ARHGAP26: variants seen among roughly 807,000 people sequenced by gnomAD.
ARHGAP26 encodes rho GTPase-activating protein 26.
Under a neutral mutation model 104.8 loss-of-function variants are expected in ARHGAP26, and 38 were observed. That is an observed-to-expected ratio of 0.36 (90% CI 0.28 to 0.48). The LOEUF (loss-of-function observed/expected upper bound fraction) is 0.48, where lower values mean the gene tolerates loss of function less well. Among genes scored for constraint, ARHGAP26 ranks in the 20% least tolerant of loss-of-function variants. ARHGAP26 has a pLI of 0.99. For missense variants in ARHGAP26, 704 were observed against 947.9 expected (o/e 0.74, Z 3.38); for synonymous variants, 341 against 340.0 (o/e 1.00, Z -0.03).
chr5:143,201,837 T>G (rs1807790138), intron 20 of ARHGAP26, among the ~76,000 whole-genome samples: 1 of 152,252 alleles, frequency 6.6e-6, no homozygotes, highest in South Asian at 2.1e-4. Context: ...GATAGGATTA[T>G]TGCCATGACT....
In ARHGAP26 at chr5:143,121,226, C is replaced by G. The variant is rs146089456; in HGVS notation, c.1698+79C>G. ...TTGGAATTGACCTTCAGAGTTGGCT[C>G]AGATTTGCATTGCTAATCACTCTTA... On this transcript the variant is annotated intron_variant, in intron 18 of 22. Coordinates refer to ENST00000645722, the MANE Select transcript of ARHGAP26 (RefSeq NM_001135608.3). 742 of 1,457,316 alleles carry G rather than the reference C, an allele frequency of 5.1e-4. 4 individuals are homozygous for G. In the East Asian group the frequency reaches 0.017, roughly 33 times the overall value. The allele number at this position is 1,457,316 out of a possible 1,614,324, so 90.3% of individuals were successfully genotyped here. A position where few individuals can be genotyped will look rare whatever the true frequency, so the allele number is the denominator to read the frequency against.
rs1040919335 is a variant in ARHGAP26 at position 143,031,442 on chromosome 5, T to C, written c.1145-5754T>C. On this transcript the variant is annotated intron_variant, in intron 12 of 22. Transcript: ENST00000645722. ...GATGGTGATGATGATGATGAAGAAATTGGACAAAATTGAGAGGCATTAGAA... is the reference window on the plus strand; with the variant it reads ...GATGGTGATGATGATGATGAAGAAACTGGACAAAATTGAGAGGCATTAGAA... 5.3e-5 allele frequency among the ~76,000 whole-genome samples: 8 copies of C among 152,090 alleles called. No homozygotes were observed. The East Asian group carries it at 7.7e-4, about 15-fold the overall frequency.
chr5:143,157,332 A>G lies in ARHGAP26; in HGVS notation c.1988+9951A>G, dbSNP rs3822382. Among the ~76,000 whole-genome samples the G allele has an allele frequency of 1.6e-3, 243 of 152,204 alleles. 6 individuals carry two copies. In the East Asian group the frequency reaches 0.041, roughly 26 times the overall value. On this transcript the variant is annotated intron_variant, in intron 20 of 22. Transcript: ENST00000645722. ...GCTGGGACTACAGGTGCACACCTCCACATCCAGCTAATTTTTATATGTTTT... is the reference window on the plus strand; with the variant it reads ...GCTGGGACTACAGGTGCACACCTCCGCATCCAGCTAATTTTTATATGTTTT...
intron 20 of ARHGAP26, among the ~76,000 whole-genome samples, chr5:143,149,023 T>G (rs1044129895): frequency 1.3e-5 from 2 of 152,064 alleles, no homozygotes; most frequent in African/African-American, 4.8e-5. Flanking sequence ...AGCAGCTAAG[T>G]GGAAAAGGGG....
At chr5:142,997,441 C>T (rs1163490300) in intron 11 of ARHGAP26, among the ~76,000 whole-genome samples, 1 of 152,060 alleles carries the variant, frequency 6.6e-6, no homozygotes, top group African/African-American at 2.4e-5. Flanking sequence ...CAGGGTTTTG[C>T]TCTGTCACCC....
intron 17 of ARHGAP26, among the ~76,000 whole-genome samples, chr5:143,116,881 C>T (rs575938276): frequency 1.3e-5 from 2 of 152,330 alleles, no homozygotes; most frequent in South Asian, 2.1e-4. Flanking sequence ...CCAACAACTG[C>T]CCTGAAGTCA....
At chr5:142,837,984 C>T (rs532721977) in intron 1 of ARHGAP26, among the ~76,000 whole-genome samples, 24 of 152,204 alleles carry the variant, frequency 1.6e-4, no homozygotes, top group African/African-American at 5.5e-4. Context: ...GTAGGCTGGG[C>T]GCAGTGGCTC....
At chr5:143,118,640 C>T (rs553779872) in intron 17 of ARHGAP26, among the ~76,000 whole-genome samples, 7 of 152,198 alleles carry the variant, frequency 4.6e-5, no homozygotes, top group East Asian at 3.9e-4. Flanking sequence ...GGTGTGGTGG[C>T]GCATGCCTGT....
intron 10 of ARHGAP26, among the ~76,000 whole-genome samples, chr5:142,925,743 T>C (rs956272971): frequency 1.3e-5 from 2 of 152,146 alleles, no homozygotes; most frequent in African/African-American, 4.8e-5. Context: ...GGCTTTGAGA[T>C]TGTGTGTTCC....
Position 143,107,054 on chromosome 5 carries a change from G to A in ARHGAP26, c.1539-13934G>A, listed in dbSNP as rs77626864. ...CTGACATTTTTACTGATGTATCTGT[G>A]TGTTATTTGCCGTCGGAATGAAAGC... is the stretch of plus-strand genomic sequence containing the variant. On this transcript the variant is annotated intron_variant, in intron 17 of 22. Transcript: ENST00000645722. Among the ~76,000 whole-genome samples the A allele has an allele frequency of 3.6e-3, 543 of 152,278 alleles. 21 individuals carry two copies. The East Asian group carries it at 0.076, about 21-fold the overall frequency.
At chr5:142,958,010 A>G (rs980880113) in intron 11 of ARHGAP26, among the ~76,000 whole-genome samples, 1 of 152,246 alleles carries the variant, frequency 6.6e-6, no homozygotes, top group African/African-American at 2.4e-5. Context: ...TGCAACTTTA[A>G]CATAACTTGA....
Position 143,228,338 on chromosome 5 carries a change from GC to G in ARHGAP26, c.*5894del. ...AGCTGGCACTTTCTGAGCCTTTACA[GC>G]CTTTAAGACTCGGAGGTTGAGAATT... On this transcript the variant is annotated 3_prime_UTR_variant, in exon 23 of 23. Transcript: ENST00000645722. The G allele has an allele frequency of 8.9e-6, 2 of 224,394 alleles. No homozygotes were observed. Among genetic ancestry groups the G allele is most frequent in the Non-Finnish European group, 1.8e-5 (2 of 112,548 alleles). The allele number at this position is 224,394 out of a possible 1,614,324, so 13.9% of individuals were successfully genotyped here.
chr5:142,787,246 T>C (rs1821253), intron 1 of ARHGAP26, among the ~76,000 whole-genome samples: 2,626 of 152,282 alleles, frequency 0.017, 65 homozygotes, highest in African/African-American at 0.046. Context: ...ATTTTTATCA[T>C]TGGGGTGGGA....
At chr5:142,915,810 T>C (rs2152491059) in intron 10 of ARHGAP26, 1 of 152,386 alleles carries the variant, frequency 6.6e-6, no homozygotes, top group Middle Eastern at 3.4e-3. Context: ...CTGTTTTTTT[T>C]CCCTCAATAT....
chr5:143,029,496 G>A (rs371059300), intron 12 of ARHGAP26, among the ~76,000 whole-genome samples: 3 of 143,134 alleles, frequency 2.1e-5, no homozygotes, highest in Non-Finnish European at 3.0e-5. Context: ...CCTCAACCTC[G>A]TGGGCTCAAG....
At chr5:143,162,639 T>C (rs1236011269) in intron 20 of ARHGAP26, among the ~76,000 whole-genome samples, 1 of 152,218 alleles carries the variant, frequency 6.6e-6, no homozygotes, top group Non-Finnish European at 1.5e-5. Flanking sequence ...TACTGCCCGC[T>C]TTCCCCTTCA....
intron 11 of ARHGAP26, among the ~76,000 whole-genome samples, chr5:142,957,180 A>G (rs1289672196): frequency 6.6e-6 from 1 of 152,198 alleles, no homozygotes; most frequent in Non-Finnish European, 1.5e-5. Flanking sequence ...GATTTGGGGA[A>G]AATTGATGAG....
chr5:142,785,525 C>T (rs572958186), intron 1 of ARHGAP26, among the ~76,000 whole-genome samples: 6 of 151,860 alleles, frequency 4.0e-5, no homozygotes, highest in South Asian at 4.2e-4. Context: ...GTAATTGGAA[C>T]GAGAGCGTGT....
intron 1 of ARHGAP26, among the ~76,000 whole-genome samples, chr5:142,866,624 T>C (rs1180075756): frequency 6.6e-6 from 1 of 152,236 alleles, no homozygotes; most frequent in Non-Finnish European, 1.5e-5. Context: ...AGCACGTCTT[T>C]ATTCTACTTG....
Sources: gnomAD v4.1 joint callset for allele counts (sites outside exome capture counted in the v4.1 genomes callset) on GRCh38, gnomAD v4.1.1 for gene constraint, MANE v1.5 for transcripts, NCBI Gene and HGNC (gene_info 2026-07-23, HGNC 2026-07-21) for gene names.